Variants in AKAP6 observed in about 807,000 individuals in gnomAD.
AKAP6 encodes the protein A-kinase anchor protein 6.
A neutral mutation model predicts 188.5 loss-of-function variants in AKAP6; 58 were observed. That is an observed-to-expected ratio of 0.31 (90% CI 0.25 to 0.38). The LOEUF (loss-of-function observed/expected upper bound fraction) is 0.38. Ranked by LOEUF, AKAP6 falls within the 10% of genes least tolerant of loss-of-function variation. The probability of loss-of-function intolerance (pLI) is 1.00; values close to 1 mark genes in which losing one functional copy is unlikely to be tolerated. For missense variants in AKAP6, 2,710 were observed against 2,740.0 expected (o/e 0.99, Z 0.24); for synonymous variants, 989 against 998.6 (o/e 0.99, Z 0.18).
At chr14:32,821,326 G>A (rs923016770) in intron 12 of AKAP6, 76 bp from the exon 13 acceptor site, 2 of 1,483,776 alleles carry the variant, frequency 1.3e-6, no homozygotes, top group African/African-American at 2.8e-5. Context: ...AGTCTTCTGA[G>A]AGATTTTCAA....
At chr14:32,476,470 T>G (rs961054530) in intron 2 of AKAP6, among the ~76,000 whole-genome samples, 5 of 152,202 alleles carry the variant, frequency 3.3e-5, no homozygotes, top group Admixed American at 3.3e-4. Flanking sequence ...AGTTGAACTT[T>G]CCTTGTGTGC....
intron 7 of AKAP6, among the ~76,000 whole-genome samples, chr14:32,633,465 C>T (rs941024638): frequency 6.6e-5 from 10 of 152,036 alleles, no homozygotes; most frequent in Non-Finnish European, 1.2e-4. Flanking sequence ...TGTCTATTAC[C>T]ATGTGACTTG....
chr14:32,372,796 G>A (rs927413811), intron 1 of AKAP6, among the ~76,000 whole-genome samples: 4 of 151,480 alleles, frequency 2.6e-5, no homozygotes, highest in Admixed American at 2.0e-4. Flanking sequence ...GTGTGTGTGT[G>A]TGTGTGTGTA....
At chr14:32,751,553 C>T (rs1201844654) in intron 11 of AKAP6, among the ~76,000 whole-genome samples, 2 of 129,294 alleles carry the variant, frequency 1.5e-5, no homozygotes, top group African/African-American at 2.8e-5. Context: ...TTTTGAAAAT[C>T]CTGCTTTAGA....
intron 2 of AKAP6, among the ~76,000 whole-genome samples, chr14:32,492,355 T>TATATATATATATATATAGAGAGAGAGAG: frequency 2.2e-4 from 18 of 82,606 alleles, no homozygotes; most frequent in South Asian, 7.0e-4. Flanking sequence ...TATATATATA[T>TATATATATATATATATAGAGAGAGAGAG]AGAGAGAGAG....
intron 2 of AKAP6, among the ~76,000 whole-genome samples, chr14:32,457,140 C>T (rs1891173054): frequency 6.6e-6 from 1 of 152,106 alleles, no homozygotes; most frequent in Admixed American, 6.5e-5. Context: ...CAAATCATTT[C>T]TGAATAAATT....
chr14:32,749,735 T>C (rs1428724761), intron 11 of AKAP6, among the ~76,000 whole-genome samples: 13 of 152,238 alleles, frequency 8.5e-5, no homozygotes, highest in Admixed American at 8.5e-4. Context: ...CTATAAGATA[T>C]GTAAGACATA....
At chr14:32,560,580 T>A (rs887813755) in intron 4 of AKAP6, among the ~76,000 whole-genome samples, 1 of 152,246 alleles carries the variant, frequency 6.6e-6, no homozygotes, top group Non-Finnish European at 1.5e-5. Flanking sequence ...GTAATTTTCT[T>A]CGTATGGAAA....
chr14:32,608,061 A>G (rs765785081), intron 7 of AKAP6, among the ~76,000 whole-genome samples: 8 of 152,186 alleles, frequency 5.3e-5, no homozygotes, highest in Admixed American at 2.6e-4. Flanking sequence ...AAGCACTTAA[A>G]TTTGCATATT....
In AKAP6 at chr14:32,545,617, A is replaced by G. The variant is rs147073467; in HGVS notation, c.964A>G (p.Thr322Ala). ...TGCAGTCGAAGAGCAACCAGGCTTA[A>G]CACTGGGGGTGTCATCATCTTCAGG... ...ASAVEEQPGLTLGVSSSSGEA... is the reference protein window; with the variant it reads ...ASAVEEQPGLALGVSSSSGEA... The change falls in exon 4 of 14, where the codon ACA (threonine) becomes GCA (alanine). Residue 322 changes from threonine (T) to alanine (A), a missense_variant. Thr to Ala is a moderately conservative substitution (Grantham distance 58). Around this residue, in one of 2 missense-constraint regions of AKAP6, gnomAD observed 2,473 missense variants for 2,426.1 expected, o/e 1.02. Coordinates refer to ENST00000280979, the MANE Select transcript of AKAP6 (RefSeq NM_004274.5). The G allele has an allele frequency of 3.7e-5, 60 of 1,614,062 alleles. No individual in the cohort carries two copies. The highest frequency in any genetic ancestry group is 4.7e-5 in the Non-Finnish European group (56 of 1,180,040).
At chr14:32,433,260 T>G in intron 1 of AKAP6, 200 bp from the exon 2 acceptor site, 12 of 479,726 alleles carry the variant, frequency 2.5e-5, no homozygotes, top group Admixed American at 3.4e-5. Flanking sequence ...TCACAGTGGT[T>G]TTATGTTCAT....
intron 11 of AKAP6, among the ~76,000 whole-genome samples, chr14:32,758,270 A>G (rs184960167): frequency 2.3e-3 from 358 of 152,358 alleles, no homozygotes; most frequent in African/African-American, 8.0e-3. Context: ...AGGATCACAC[A>G]GTCAGAGCCA....
intron 2 of AKAP6, among the ~76,000 whole-genome samples, chr14:32,497,462 T>C (rs1052630462): frequency 6.6e-6 from 1 of 152,132 alleles, no homozygotes; most frequent in Non-Finnish European, 1.5e-5. Context: ...TCAGAGAACA[T>C]ACTTTTTATA....
chr14:32,655,936 T>C (rs1384550929), intron 7 of AKAP6, among the ~76,000 whole-genome samples: 1 of 152,184 alleles, frequency 6.6e-6, no homozygotes, highest in Non-Finnish European at 1.5e-5. Flanking sequence ...AGAAAGTCAA[T>C]GTATGTTAGA....
intron 1 of AKAP6, among the ~76,000 whole-genome samples, chr14:32,394,941 G>A (rs536129073): frequency 2.6e-4 from 39 of 152,234 alleles, no homozygotes; most frequent in African/African-American, 8.2e-4. Context: ...CTGCTAAATA[G>A]CATCACTGAG....
In AKAP6 at chr14:32,813,396, C is replaced by A. The variant is rs578048778; in HGVS notation, c.3589-8006C>A. Among the ~76,000 whole-genome samples, 137 of 121,914 alleles carry A rather than the reference C, an allele frequency of 1.1e-3. 4 individuals carry two copies. Among genetic ancestry groups the A allele is most frequent in the African/African-American group, 4.1e-3 (125 of 30,672 alleles). The allele number at this position is 121,914 out of a possible 152,430, so 80.0% of individuals were successfully genotyped here. On this transcript the variant is annotated intron_variant, in intron 12 of 13. Transcript: ENST00000280979. ...GTTTTCATCTCTAACCCTACCCCCC[C>A]CCCCAACCCCTTTCCCAGAGGTCCT...
intron 1 of AKAP6, among the ~76,000 whole-genome samples, chr14:32,357,144 T>C (rs1414861214): frequency 6.6e-6 from 1 of 152,218 alleles, no homozygotes; most frequent in African/African-American, 2.4e-5. Flanking sequence ...TTTTGACATA[T>C]TTAGTGTTAC....
At chr14:32,406,367 G>C (rs1352017565) in intron 1 of AKAP6, among the ~76,000 whole-genome samples, 1 of 152,046 alleles carries the variant, frequency 6.6e-6, no homozygotes, top group African/African-American at 2.4e-5. Flanking sequence ...GTGCCACTAT[G>C]CCCAGCTAAT....
At chr14:32,731,113 A>G (rs1468175074) in intron 9 of AKAP6, among the ~76,000 whole-genome samples, 1 of 152,172 alleles carries the variant, frequency 6.6e-6, no homozygotes, top group Non-Finnish European at 1.5e-5. Context: ...AAATCACCTC[A>G]TTTAAAACAT....
Sources: gnomAD v4.1 joint callset for allele counts (sites outside exome capture counted in the v4.1 genomes callset) on GRCh38, gnomAD v4.1.1 for gene constraint, gnomAD v4.1.1 regional missense constraint, MANE v1.5 for transcripts, NCBI Gene and HGNC (gene_info 2026-07-23, HGNC 2026-07-21) for gene names.